RASAL2: variants seen among roughly 807,000 people sequenced by gnomAD.
The protein encoded by RASAL2 is RAS protein activator like 2, also known as ras GTPase-activating protein nGAP.
A neutral mutation model predicts 128.9 loss-of-function variants in RASAL2; 58 were observed. That is an observed-to-expected ratio of 0.45 (90% CI 0.36 to 0.56). The LOEUF is 0.56. RASAL2 is among the 20% of genes least tolerant of loss of function. RASAL2 has a pLI of 0.00. For missense variants in RASAL2, 1,360 were observed against 1,601.6 expected (o/e 0.85, Z 2.57); for synonymous variants, 561 against 580.8 (o/e 0.97, Z 0.49).
chr1:178,106,900 G>T (rs1435002601), intron 1 of RASAL2, among the ~76,000 whole-genome samples: 1 of 152,112 alleles, frequency 6.6e-6, no homozygotes, highest in Non-Finnish European at 1.5e-5. Context: ...AGAGAGGCTT[G>T]ACTTTGTAAT....
intron 3 of RASAL2, among the ~76,000 whole-genome samples, chr1:178,307,116 TA>T (rs1167279332): frequency 2.0e-5 from 3 of 151,950 alleles, no homozygotes; most frequent in East Asian, 1.9e-4. Flanking sequence ...TTTCATTTTT[TA>T]AAAAAAGGTA....
At chr1:178,258,513 A>G (rs1665496207) in intron 1 of RASAL2, among the ~76,000 whole-genome samples, 1 of 152,226 alleles carries the variant, frequency 6.6e-6, no homozygotes, top group Non-Finnish European at 1.5e-5. Flanking sequence ...ACATGAAAAG[A>G]TGCTCAGCAT....
At chr1:178,101,012 A>G (rs1405378876) in intron 1 of RASAL2, among the ~76,000 whole-genome samples, 2 of 152,206 alleles carry the variant, frequency 1.3e-5, no homozygotes, top group Non-Finnish European at 2.9e-5. Flanking sequence ...TTGTAAAAAC[A>G]CCTTTCTTCC....
chr1:178,396,586 A>G (rs926058315), intron 4 of RASAL2, among the ~76,000 whole-genome samples: 2 of 152,134 alleles, frequency 1.3e-5, no homozygotes, highest in Non-Finnish European at 2.9e-5. Flanking sequence ...TCTCAGCTGT[A>G]CTTATACTCA....
intron 1 of RASAL2, among the ~76,000 whole-genome samples, chr1:178,100,171 T>G (rs1480458146): frequency 2.0e-5 from 3 of 152,128 alleles, no homozygotes; most frequent in Non-Finnish European, 4.4e-5. Context: ...TTAAGAATAG[T>G]TTGTGTGGAT....
intron 5 of RASAL2, 114 bp from the exon 6 acceptor site, chr1:178,439,308 C>T (rs1676467720): frequency 1.1e-6 from 1 of 911,794 alleles, no homozygotes; most frequent in African/African-American, 1.7e-5. Flanking sequence ...ATTTGTTCCT[C>T]ATTTATTTCT....
chr1:178,440,255 G>A (rs540673394), intron 6 of RASAL2, among the ~76,000 whole-genome samples: 1 of 151,814 alleles, frequency 6.6e-6, no homozygotes, highest in East Asian at 1.9e-4. Context: ...ATTAACAAGA[G>A]CTTACTAAGT....
In RASAL2 at chr1:178,473,939, A is replaced by G. The variant is rs1250268838; in HGVS notation, c.*700A>G. ...GAGTAATTTCTATTGAACTCCTGTC[A>G]ATATGTTTATTTCCTCTGTCTACAG... On this transcript the variant is annotated 3_prime_UTR_variant, in exon 18 of 18. Coordinates refer to ENST00000367649, the MANE Select transcript of RASAL2 (RefSeq NM_170692.4). 6.6e-6 allele frequency: 1 copy of G among 152,382 alleles called. No individual in the cohort carries two copies. 9.4% of individuals were successfully genotyped at this position (152,382 alleles called of 1,614,324 possible).
chr1:178,367,047 A>T (rs970721032), intron 3 of RASAL2, among the ~76,000 whole-genome samples: 1 of 152,162 alleles, frequency 6.6e-6, no homozygotes. Flanking sequence ...AAAAGGATGA[A>T]TTTTATAGTA....
At chr1:178,248,482 G>C (rs575485167) in intron 1 of RASAL2, among the ~76,000 whole-genome samples, 1 of 152,064 alleles carries the variant, frequency 6.6e-6, no homozygotes, top group Non-Finnish European at 1.5e-5. Context: ...ATATCGATGG[G>C]TCTTGACCCT....
intron 4 of RASAL2, among the ~76,000 whole-genome samples, chr1:178,403,725 G>A (rs189207385): frequency 3.3e-5 from 5 of 152,146 alleles, no homozygotes; most frequent in South Asian, 2.1e-4. Context: ...ATACCTAGTC[G>A]GAAACATGGA....
rs1427515801 is a variant in RASAL2, at chr1:178,219,649, A to AAAGT, written c.203-63912_203-63911insTAAG. 3.4e-5 allele frequency among the ~76,000 whole-genome samples: 5 copies of AAAGT among 145,974 alleles called. 1 individual carries two copies. The East Asian group carries it at 9.7e-4, about 28-fold the overall frequency. ...TGCCTCAGGAAAAAAAAAAAAAAAG[A>AAAGT]AAGAAAGAAAGAAAGAAAAATAATT... On this transcript the variant is annotated intron_variant, in intron 1 of 17. Transcript: ENST00000367649.
chr1:178,150,883 C>T (rs1660890915), intron 1 of RASAL2, among the ~76,000 whole-genome samples: 1 of 152,208 alleles, frequency 6.6e-6, no homozygotes, highest in African/African-American at 2.4e-5. Context: ...TGTAAATAAG[C>T]ATCCTTTTTG....
At chr1:178,141,240 G>A (rs1346103701) in intron 1 of RASAL2, among the ~76,000 whole-genome samples, 2 of 123,544 alleles carry the variant, frequency 1.6e-5, no homozygotes, top group African/African-American at 6.0e-5. Flanking sequence ...ATTGAATAGA[G>A]TGAAAACAGA....
At chr1:178,280,402 T>C (rs1666728068) in intron 1 of RASAL2, among the ~76,000 whole-genome samples, 1 of 152,124 alleles carries the variant, frequency 6.6e-6, no homozygotes, top group South Asian at 2.1e-4. Flanking sequence ...GTTACCTATG[T>C]TAACATGCAG....
At position 178,402,686 on chromosome 1, in the gene RASAL2, C is replaced by T. The variant is rs1318268010; in HGVS notation, c.564+12480C>T. 2.6e-5 allele frequency among the ~76,000 whole-genome samples: 4 copies of T among 152,092 alleles called. No individual in the cohort carries two copies. In the East Asian group the frequency reaches 7.7e-4, roughly 29 times the overall value. Reference sequence around the variant, plus strand: ...TCACATTATACCTTTTGCTCATGACCATCCATAATGTGGATTTTTGGTACA... The same window carrying T: ...TCACATTATACCTTTTGCTCATGACTATCCATAATGTGGATTTTTGGTACA... On this transcript the variant is annotated intron_variant, in intron 4 of 17. Coordinates refer to ENST00000367649, the MANE Select transcript of RASAL2 (RefSeq NM_170692.4).
intron 4 of RASAL2, among the ~76,000 whole-genome samples, chr1:178,397,470 G>C (rs1471555349): frequency 6.6e-6 from 1 of 152,198 alleles, no homozygotes; most frequent in African/African-American, 2.4e-5. Flanking sequence ...CATGAGTTGG[G>C]TGAGGGAGAA....
intron 3 of RASAL2, among the ~76,000 whole-genome samples, chr1:178,301,767 C>T (rs995567747): frequency 3.9e-5 from 6 of 152,080 alleles, no homozygotes; most frequent in Admixed American, 6.6e-5. Context: ...AGGAACCTTT[C>T]GCTCTTCAAG....
At chr1:178,449,778 C>T (rs1677254696) in intron 9 of RASAL2, among the ~76,000 whole-genome samples, 1 of 152,026 alleles carries the variant, frequency 6.6e-6, no homozygotes, top group Admixed American at 6.6e-5. Flanking sequence ...ACTTTTTAAG[C>T]TGGTACTATA....
Sources: gnomAD v4.1 joint callset for allele counts (sites outside exome capture counted in the v4.1 genomes callset) on GRCh38, gnomAD v4.1.1 for gene constraint, MANE v1.5 for transcripts, NCBI Gene and HGNC (gene_info 2026-07-23, HGNC 2026-07-21) for gene names.